DAB2IP: variants seen among roughly 807,000 people sequenced by gnomAD.
DAB2IP encodes the protein disabled homolog 2-interacting protein.
A neutral mutation model predicts 107.2 loss-of-function variants in DAB2IP; 28 were observed. That is an observed-to-expected ratio of 0.26 (90% CI 0.19 to 0.36). The LOEUF is 0.36. DAB2IP is among the 10% of genes least tolerant of loss of function. DAB2IP has a pLI of 1.00. For missense variants in DAB2IP, 1,400 were observed against 1,644.7 expected (o/e 0.85, Z 2.57); for synonymous variants, 755 against 706.4 (o/e 1.07, Z -1.09).
At chr9:121,720,626 A>G (rs1237991304) in intron 3 of DAB2IP, among the ~76,000 whole-genome samples, 1 of 152,088 alleles carries the variant, frequency 6.6e-6, no homozygotes, top group African/African-American at 2.4e-5. Context: ...GGCAGTGAGC[A>G]CACCCTGGAG....
intron 1 of DAB2IP, among the ~76,000 whole-genome samples, chr9:121,663,767 C>CT (rs1251316592): frequency 6.6e-6 from 1 of 152,248 alleles, no homozygotes; most frequent in Admixed American, 6.5e-5. Context: ...GAGCTGGGCC[C>CT]TGGGGACATA....
Position 121,635,995 on chromosome 9 carries a change from C to T in DAB2IP, c.41-42683C>T, listed in dbSNP as rs991869904. Among the ~76,000 whole-genome samples the T allele has an allele frequency of 2.6e-5, 4 of 152,198 alleles. No individual in the cohort carries two copies. The highest frequency in any genetic ancestry group is 9.7e-5 in the African/African-American group (4 of 41,438). On this transcript the variant is annotated intron_variant, in intron 1 of 16. Transcript: ENST00000259371. The surrounding 1 kb of genome is among the most constrained non-coding windows in gnomAD (Gnocchi z 4.3). ...CTCGGCTCACTGCAACCTCTGCCTCCCAGGTTCAAGTGATTCTCGTGTCTC... is the reference window on the plus strand; with the variant it reads ...CTCGGCTCACTGCAACCTCTGCCTCTCAGGTTCAAGTGATTCTCGTGTCTC...
At chr9:121,727,077 AG>A (rs1184155404) in intron 3 of DAB2IP, among the ~76,000 whole-genome samples, 1 of 152,190 alleles carries the variant, frequency 6.6e-6, no homozygotes, top group Non-Finnish European at 1.5e-5. Flanking sequence ...GCCTGGAGGC[AG>A]GGGGACAGTT....
At chr9:121,668,094 C>T (rs773193136) in intron 1 of DAB2IP, among the ~76,000 whole-genome samples, 10 of 152,196 alleles carry the variant, frequency 6.6e-5, no homozygotes, top group Non-Finnish European at 1.2e-4. Flanking sequence ...TATCTCCCAC[C>T]GGGTTCCTCC....
At chr9:121,668,997 C>T (rs1448180169) in intron 1 of DAB2IP, among the ~76,000 whole-genome samples, 1 of 143,224 alleles carries the variant, frequency 7.0e-6, no homozygotes, top group Non-Finnish European at 1.5e-5. Context: ...CTCACTGCAA[C>T]CTCCACCTCC....
chr9:121,777,824 G>A (rs564877143), intron 14 of DAB2IP, among the ~76,000 whole-genome samples: 1 of 152,110 alleles, frequency 6.6e-6, no homozygotes, highest in African/African-American at 2.4e-5. Context: ...ATACATTTAG[G>A]CTGTTTATGT....
chr9:121,775,762 C>G (rs1463004948), intron 13 of DAB2IP, among the ~76,000 whole-genome samples: 1 of 152,236 alleles, frequency 6.6e-6, no homozygotes, highest in African/African-American at 2.4e-5. Flanking sequence ...CCCTGCTAGT[C>G]AGTCGCTCTT....
At chr9:121,621,797 C>T (rs1178405555) in intron 1 of DAB2IP, among the ~76,000 whole-genome samples, 16 of 136,876 alleles carry the variant, frequency 1.2e-4, no homozygotes, top group Non-Finnish European at 2.2e-4. Context: ...TAAGAGCATG[C>T]CACCACACCT....
intron 1 of DAB2IP, among the ~76,000 whole-genome samples, chr9:121,569,116 C>T (rs537746179): frequency 1.3e-5 from 2 of 152,342 alleles, no homozygotes; most frequent in Admixed American, 6.5e-5. Context: ...CTTTTCCAGC[C>T]AAGGTCTCCC....
chr9:121,581,222 G>A (rs1830187607), intron 1 of DAB2IP, among the ~76,000 whole-genome samples: 1 of 152,150 alleles, frequency 6.6e-6, no homozygotes, highest in Admixed American at 6.5e-5. Flanking sequence ...GCCCAAGGAG[G>A]GAGGCCAAGA....
chr9:121,748,350 G>T lies in DAB2IP; in HGVS notation c.363-8663G>T, dbSNP rs147325538. The stretch of plus-strand genomic sequence containing the variant: ...GCCTGGCCTCCAGGCCTGACTCACT[G>T]TGAGGTAGGTGCCAAGAGTGTCCCA... On this transcript the variant is annotated intron_variant, in intron 3 of 15. Coordinates refer to ENST00000408936, the Ensembl canonical transcript of DAB2IP. Among the ~76,000 whole-genome samples the T allele has an allele frequency of 3.1e-4, 47 of 152,304 alleles. No homozygotes were observed. The Middle Eastern group carries it at 0.014, about 44-fold the overall frequency.
Position 121,782,812 on chromosome 9 carries a change from CT to C in DAB2IP, c.*316del. 1 of 1,189,022 alleles carries C rather than the reference CT, an allele frequency of 8.4e-7. No homozygotes were observed. The highest frequency in any genetic ancestry group is 1.0e-6 in the Non-Finnish European group (1 of 954,130). 73.7% of individuals were successfully genotyped at this position (1,189,022 alleles called of 1,614,324 possible). On this transcript the variant is annotated 3_prime_UTR_variant, in exon 16 of 16. Transcript: ENST00000408936. The surrounding 1 kb of genome is among the most constrained non-coding windows in gnomAD (Gnocchi z 6.1). ...TGTTGGTTCCTGAATGTGGTGTGTCCTTGTCCTCCTGGATCTGGCCGAGTGC... is the reference window on the plus strand; with the variant it reads ...TGTTGGTTCCTGAATGTGGTGTGTCCTGTCCTCCTGGATCTGGCCGAGTGC...
chr9:121,625,680 T>C (rs914765454), intron 1 of DAB2IP, among the ~76,000 whole-genome samples: 3 of 151,068 alleles, frequency 2.0e-5, no homozygotes, highest in Admixed American at 1.3e-4. Flanking sequence ...TTTTTTTTTT[T>C]CCCAATGATG....
intron 2 of DAB2IP, among the ~76,000 whole-genome samples, chr9:121,696,798 C>G (rs1184655939): frequency 6.6e-6 from 1 of 152,206 alleles, no homozygotes; most frequent in Non-Finnish European, 1.5e-5. Flanking sequence ...GGGTCCTGAG[C>G]TGAGTTCTCT....
intron 3 of DAB2IP, among the ~76,000 whole-genome samples, chr9:121,730,866 A>G (rs998937896): frequency 3.3e-5 from 5 of 152,226 alleles, no homozygotes; most frequent in African/African-American, 9.6e-5. Flanking sequence ...TGCAGTGTAC[A>G]TGCCAGCAGC....
At chr9:121,683,230 TCTCCTGCCACTC>T (rs1253259440) in intron 2 of DAB2IP, among the ~76,000 whole-genome samples, 9 of 152,206 alleles carry the variant, frequency 5.9e-5, no homozygotes, top group African/African-American at 2.2e-4. Flanking sequence ...CTGTTCTTTC[TCTCCTGCCACTC>T]CATGGCAGAG....
chr9:121,699,237 G>T lies in DAB2IP; in HGVS notation c.229-88G>T. ...CCGCCCTCGGCCGCGCGGCCGCCCA[G>T]CAAGGGTGCGGGTCCCGCGCGGGTC... On this transcript the variant is annotated intron_variant, in intron 2 of 15. Coordinates refer to ENST00000408936, the Ensembl canonical transcript of DAB2IP. The surrounding 1 kb of genome is among the most constrained non-coding windows in gnomAD (Gnocchi z 6.2). 9.4e-7 allele frequency: 1 copy of T among 1,066,380 alleles called. No individual in the cohort carries two copies. The highest frequency in any genetic ancestry group is 1.7e-5 in the African/African-American group (1 of 57,900). 66.1% of individuals were successfully genotyped at this position (1,066,380 alleles called of 1,614,324 possible).
At chr9:121,767,197 GT>G (rs1834346505) in intron 9 of DAB2IP, among the ~76,000 whole-genome samples, 3 of 152,214 alleles carry the variant, frequency 2.0e-5, no homozygotes. Flanking sequence ...CACTATTGGT[GT>G]TTTTGGCTGC....
At chr9:121,594,154 C>G (rs1301391588) in intron 1 of DAB2IP, among the ~76,000 whole-genome samples, 1 of 152,054 alleles carries the variant, frequency 6.6e-6, no homozygotes, top group Non-Finnish European at 1.5e-5. Flanking sequence ...TGTGTAAACC[C>G]AGCAACAGGC....
Sources: gnomAD v4.1 joint callset for allele counts (sites outside exome capture counted in the v4.1 genomes callset) on GRCh38, gnomAD v4.1.1 for gene constraint, Gnocchi (gnomAD v3.1) non-coding constraint, MANE v1.5 for transcripts, NCBI Gene and HGNC (gene_info 2026-07-23, HGNC 2026-07-21) for gene names.